Variants in CDC42EP3 observed in about 807,000 individuals in gnomAD.
CDC42EP3 encodes the protein CDC42 effector protein (Rho GTPase binding) 3.
CDC42EP3 carries 4 observed loss-of-function variants against 15.5 expected under a neutral mutation model. That is an observed-to-expected ratio of 0.26 (90% confidence interval 0.13 to 0.59). The LOEUF is 0.59. Ranked by LOEUF, CDC42EP3 falls within the 20% of genes least tolerant of loss-of-function variation. The probability of loss-of-function intolerance (pLI) is 0.89; values close to 1 mark genes in which losing one functional copy is unlikely to be tolerated. For missense variants in CDC42EP3, 309 were observed against 311.2 expected (o/e 0.99, Z 0.05); for synonymous variants, 145 against 130.3 (o/e 1.11, Z -0.77).
chr2:37,645,537 G>C lies in CDC42EP3; in HGVS notation c.*286C>G. 3.8e-6 allele frequency: 1 copy of C among 261,546 alleles called. No individual in the cohort carries two copies. The highest frequency in any genetic ancestry group is 7.2e-6 in the Non-Finnish European group (1 of 138,108). The allele number at this position is 261,546 out of a possible 1,614,324, so 16.2% of individuals were successfully genotyped here. On this transcript the variant is annotated 3_prime_UTR_variant, in exon 2 of 2. Coordinates refer to ENST00000295324, the MANE Select transcript of CDC42EP3 (RefSeq NM_006449.5). ...GCTAGTGCCAATCCTGGCCAAGCCA[G>C]ATTTCTTGTGTGTCTGCAAACAATA... is the stretch of plus-strand genomic sequence containing the variant.
At chr2:37,655,241 C>T (rs1255272058) in intron 1 of CDC42EP3, among the ~76,000 whole-genome samples, 1 of 152,222 alleles carries the variant, frequency 6.6e-6, no homozygotes, top group East Asian at 1.9e-4. Context: ...CATTCAAAGT[C>T]TGATACATCT....
chr2:37,647,887 T>C (rs925726435), intron 1 of CDC42EP3, among the ~76,000 whole-genome samples: 1 of 152,128 alleles, frequency 6.6e-6, no homozygotes, highest in African/African-American at 2.4e-5. Context: ...AGCTTGGAAG[T>C]AGATCTTTTC....
chr2:37,663,815 GAC>G (rs1666159579), intron 1 of CDC42EP3, among the ~76,000 whole-genome samples: 1 of 152,184 alleles, frequency 6.6e-6, no homozygotes, highest in Admixed American at 6.5e-5. Flanking sequence ...TGAATTGGGA[GAC>G]ACAGACCCAT....
chr2:37,666,720 G>GA, intron 1 of CDC42EP3, among the ~76,000 whole-genome samples: 1 of 151,840 alleles, frequency 6.6e-6, no homozygotes, highest in Middle Eastern at 3.4e-3. Context: ...GTTAAAATTT[G>GA]AAAACTGCTT....
chr2:37,668,422 A>G (rs1666310084), intron 1 of CDC42EP3, among the ~76,000 whole-genome samples: 1 of 152,206 alleles, frequency 6.6e-6, no homozygotes, highest in African/African-American at 2.4e-5. Context: ...TCCTCAGGGA[A>G]ATAATATTAT....
intron 1 of CDC42EP3, among the ~76,000 whole-genome samples, chr2:37,651,243 A>G (rs190350077): frequency 6.6e-6 from 1 of 152,244 alleles, no homozygotes; most frequent in Non-Finnish European, 1.5e-5. Flanking sequence ...GAGGGGAAGT[A>G]GATGGAAGGG....
At chr2:37,662,672 A>G (rs4670212) in intron 1 of CDC42EP3, among the ~76,000 whole-genome samples, 146,311 of 152,154 alleles carry the variant, frequency 0.96, 70,404 homozygotes, top group East Asian at 1. Flanking sequence ...TGAGCCCACA[A>G]GGAATATAAA....
intron 1 of CDC42EP3, among the ~76,000 whole-genome samples, chr2:37,667,243 G>A (rs560879939): frequency 6.6e-5 from 10 of 152,302 alleles, no homozygotes; most frequent in Admixed American, 2.6e-4. Context: ...ACAGCCCAGT[G>A]CCTTTCTGTT....
chr2:37,672,097 G>A (rs889865181), upstream of CDC42EP3: 1 of 152,196 alleles, frequency 6.6e-6, no homozygotes, highest in Admixed American at 6.5e-5. Context: ...AGCTGTGCGA[G>A]TGGCGGGCGG....
At chr2:37,656,789 C>A (rs1471393231) in intron 1 of CDC42EP3, among the ~76,000 whole-genome samples, 1 of 152,070 alleles carries the variant, frequency 6.6e-6, no homozygotes, top group Non-Finnish European at 1.5e-5. Flanking sequence ...AAGAGCGCAA[C>A]ACGGATGAGA....
At position 37,645,817 on chromosome 2, in the gene CDC42EP3, A is replaced by T; in HGVS notation, c.*6T>A. 6.6e-7 allele frequency: 1 copy of T among 1,513,222 alleles called. No homozygotes were observed. The highest frequency in any genetic ancestry group is 8.8e-7 in the Non-Finnish European group (1 of 1,132,762). The allele number at this position is 1,513,222 out of a possible 1,614,324, so 93.7% of individuals were successfully genotyped here. ...TTTACCCCAAAGGAAAAAAGTTGGC[A>T]TCTTGTTACTTATTTTTATCCATTA... On this transcript the variant is annotated 3_prime_UTR_variant, in exon 2 of 2. Coordinates refer to ENST00000295324, the MANE Select transcript of CDC42EP3 (RefSeq NM_006449.5).
At chr2:37,649,574 G>A (rs1219371932) in intron 1 of CDC42EP3, among the ~76,000 whole-genome samples, 3 of 151,774 alleles carry the variant, frequency 2.0e-5, no homozygotes, top group Non-Finnish European at 2.9e-5. Flanking sequence ...TTGGGACAGT[G>A]AGGAGGAAGA....
At chr2:37,658,693 C>T (rs1013968313) in intron 1 of CDC42EP3, among the ~76,000 whole-genome samples, 5 of 152,288 alleles carry the variant, frequency 3.3e-5, no homozygotes, top group South Asian at 2.1e-4. Flanking sequence ...CACTTCTCCC[C>T]GCCTCCATCT....
rs917509682 is a variant in CDC42EP3 at position 37,642,686 on chromosome 2, G to A, written c.*3137C>T. The A allele has an allele frequency of 2.6e-5, 4 of 152,148 alleles. No individual in the cohort carries two copies. The highest frequency in any genetic ancestry group is 9.7e-5 in the African/African-American group (4 of 41,426). 9.4% of individuals were successfully genotyped at this position (152,148 alleles called of 1,614,324 possible). A position where few individuals can be genotyped will look rare whatever the true frequency, so the allele number is the denominator to read the frequency against. The stretch of plus-strand genomic sequence containing the variant: ...CATCACTCAATATTTTCTTTTGTCT[G>A]TTCTAAAATATTTATCAAGTTAATT... On this transcript the variant is annotated 3_prime_UTR_variant, in exon 2 of 2. Coordinates refer to ENST00000295324, the MANE Select transcript of CDC42EP3 (RefSeq NM_006449.5).
intron 1 of CDC42EP3, among the ~76,000 whole-genome samples, chr2:37,667,077 G>C (rs1300155972): frequency 6.6e-5 from 10 of 152,034 alleles, no homozygotes; most frequent in African/African-American, 2.4e-4. Flanking sequence ...CACAAACCCA[G>C]AGCATCAAAG....
chr2:37,669,344 G>GC (rs1437200997), intron 1 of CDC42EP3, among the ~76,000 whole-genome samples: 4 of 151,956 alleles, frequency 2.6e-5, no homozygotes, highest in Admixed American at 1.3e-4. Flanking sequence ...GCTTTTGTGA[G>GC]CATGTTGGAC....
In CDC42EP3 at chr2:37,671,517, G is replaced by C. The variant is rs532729107; in HGVS notation, c.-327C>G. 1 of 152,356 alleles carries C rather than the reference G, an allele frequency of 6.6e-6. No homozygotes were observed. The highest frequency in any genetic ancestry group is 2.1e-4 in the South Asian group (1 of 4,834). 9.4% of individuals were successfully genotyped at this position (152,356 alleles called of 1,614,324 possible). A position where few individuals can be genotyped will look rare whatever the true frequency, so the allele number is the denominator to read the frequency against. The stretch of plus-strand genomic sequence containing the variant: ...GTGCGCAGATCCAGCCGAGTCTGCC[G>C]GCGTGGTGCCTGCTCACCGCATTAT... On this transcript the variant is annotated 5_prime_UTR_variant, in exon 1 of 2. Transcript: ENST00000295324.
intron 1 of CDC42EP3, among the ~76,000 whole-genome samples, chr2:37,655,177 GCT>G (rs1665809625): frequency 1.3e-5 from 2 of 152,190 alleles, no homozygotes; most frequent in African/African-American, 4.8e-5. Context: ...CAGCTGCTGA[GCT>G]CTGTTATGCA....
At chr2:37,672,705 C>G (rs7579808), upstream of CDC42EP3, among the ~76,000 whole-genome samples, 75,293 of 152,094 alleles carry the variant, frequency 0.5, 18,958 homozygotes, top group Non-Finnish European at 0.55. Context: ...GGTCCCAGCC[C>G]GCATGGTCAG....
Sources: allele counts gnomAD v4.1 joint callset (sites outside exome capture counted in the v4.1 genomes callset), GRCh38; gene constraint gnomAD v4.1.1; transcripts MANE v1.5; gene names NCBI Gene and HGNC (gene_info 2026-07-23, HGNC 2026-07-21).